EMP1: variants seen among roughly 807,000 people sequenced by gnomAD.
EMP1 encodes the protein epithelial membrane protein 1, also known as tumor-associated membrane protein.
EMP1 carries 5 observed loss-of-function variants against 15.7 expected under a neutral mutation model. That is an observed-to-expected ratio of 0.32 (90% CI 0.17 to 0.67). EMP1 has a LOEUF of 0.67. Ranked by LOEUF, EMP1 falls within the 30% of genes least tolerant of loss-of-function variation. The pLI is 0.74. For synonymous variants in EMP1, 78 were observed against 76.7 expected (o/e 1.02, Z -0.09); for missense variants, 166 against 194.2 (o/e 0.85, Z 0.86).
intron 1 of EMP1, among the ~76,000 whole-genome samples, chr12:13,208,415 A>G (rs1864133060): frequency 6.6e-6 from 1 of 152,196 alleles, no homozygotes; most frequent in South Asian, 2.1e-4. Context: ...CCCTGGGGGC[A>G]GGAGGTATCT....
chr12:13,201,722 A>G (rs955192936), intron 1 of EMP1, among the ~76,000 whole-genome samples: 4 of 152,144 alleles, frequency 2.6e-5, no homozygotes, highest in Non-Finnish European at 5.9e-5. Context: ...CGGCACTAGG[A>G]ATAAAAGAAA....
Position 13,219,246 on chromosome 12 carries a change from G to T in EMP1, c.*4555G>T, listed in dbSNP as rs1276557227. The stretch of plus-strand genomic sequence containing the variant: ...GAACACTAGCATAAGATGTCAATAT[G>T]TCTATCCATATGTCAGGTCCATACT... On this transcript the variant is annotated 3_prime_UTR_variant, in exon 5 of 5. Coordinates refer to ENST00000256951, the MANE Select transcript of EMP1 (RefSeq NM_001423.3). The T allele has an allele frequency of 1.3e-5, 2 of 152,212 alleles. No individual in the cohort carries two copies. Among genetic ancestry groups the T allele is most frequent in the African/African-American group, 4.8e-5 (2 of 41,442 alleles). The allele number at this position is 152,212 out of a possible 1,614,324, so 9.4% of individuals were successfully genotyped here. A position where few individuals can be genotyped will look rare whatever the true frequency, so the allele number is the denominator to read the frequency against.
intron 1 of EMP1, among the ~76,000 whole-genome samples, chr12:13,199,959 T>C (rs1565576767): frequency 7.0e-6 from 1 of 143,644 alleles, no homozygotes; most frequent in African/African-American, 2.6e-5. Flanking sequence ...CTTCTTCTTC[T>C]TCTTCTTTTT....
chr12:13,199,812 G>T (rs1864047531), intron 1 of EMP1, among the ~76,000 whole-genome samples: 1 of 152,024 alleles, frequency 6.6e-6, no homozygotes, highest in Non-Finnish European at 1.5e-5. Context: ...GATTCTGCTG[G>T]CCTGAAACAA....
Position 13,211,450 on chromosome 12 carries a change from C to T in EMP1, c.-42-19C>T. On this transcript the variant is annotated intron_variant, in intron 1 of 4. Coordinates refer to ENST00000256951, the MANE Select transcript of EMP1 (RefSeq NM_001423.3). This position sits in a 1 kb window ranked among gnomAD's most constrained non-coding sequence, Gnocchi z 4.7. Reference sequence around the variant, plus strand: ...GAATCTGACAGTAACCGTTTTTGTCCCTTTCTTTTTCTTTTCAGAACTCTC... The same window carrying T: ...GAATCTGACAGTAACCGTTTTTGTCTCTTTCTTTTTCTTTTCAGAACTCTC... The T allele has an allele frequency of 6.4e-7, 1 of 1,572,950 alleles. No homozygotes were observed. Among genetic ancestry groups the T allele is most frequent in the Non-Finnish European group, 8.7e-7 (1 of 1,148,766 alleles).
intron 2 of EMP1, among the ~76,000 whole-genome samples, chr12:13,212,965 CT>C: frequency 6.6e-6 from 1 of 152,296 alleles, no homozygotes; most frequent in South Asian, 2.1e-4. Flanking sequence ...AAGTTTGATC[CT>C]TCTGTTTAGA....
chr12:13,210,178 G>A (rs137952079), intron 1 of EMP1, among the ~76,000 whole-genome samples: 16 of 152,348 alleles, frequency 1.1e-4, no homozygotes, highest in African/African-American at 3.6e-4. Context: ...AATACCTGAT[G>A]TGGCATGAAA....
At chr12:13,212,837 G>C (rs1293667244) in intron 2 of EMP1, among the ~76,000 whole-genome samples, 2 of 152,196 alleles carry the variant, frequency 1.3e-5, no homozygotes, top group Non-Finnish European at 2.9e-5. Context: ...AGGGATGGCG[G>C]CACCATGATC....
At chr12:13,198,706 G>A (rs1309651445) in intron 1 of EMP1, among the ~76,000 whole-genome samples, 1 of 152,232 alleles carries the variant, frequency 6.6e-6, no homozygotes, top group Admixed American at 6.5e-5. Context: ...CCCTGACAAT[G>A]TTGGGAGTGT....
chr12:13,212,039 A>G lies in EMP1; in HGVS notation c.78+451A>G, dbSNP rs1350339158. The stretch of plus-strand genomic sequence containing the variant: ...CAGAGGATAAGGAGGACACACACCT[A>G]TGTGGCTGGAGCCGAACTTCCCCTC... On this transcript the variant is annotated intron_variant, in intron 2 of 4. Coordinates refer to ENST00000256951, the MANE Select transcript of EMP1 (RefSeq NM_001423.3). 1.9e-5 allele frequency: 3 copies of G among 156,986 alleles called. No individual in the cohort carries two copies. In the Admixed American group the frequency reaches 1.9e-4, roughly 10 times the overall value. The allele number at this position is 156,986 out of a possible 1,614,324, so 9.7% of individuals were successfully genotyped here.
At chr12:13,202,469 ACAGAGGTTTG>A (rs1864074481) in intron 1 of EMP1, among the ~76,000 whole-genome samples, 1 of 152,170 alleles carries the variant, frequency 6.6e-6, no homozygotes, top group Non-Finnish European at 1.5e-5. Flanking sequence ...GGGGAGTTGG[ACAGAGGTTTG>A]CAACCCTGAA....
Position 13,218,219 on chromosome 12 carries a change from C to T in EMP1, c.*3528C>T, listed in dbSNP as rs1051367215. Reference sequence around the variant, plus strand: ...CTGCCTTGGATTTAGCCATCGCAGTCCCTGTGTAAAACCCCACCGGCTTTC... The same window carrying T: ...CTGCCTTGGATTTAGCCATCGCAGTTCCTGTGTAAAACCCCACCGGCTTTC... On this transcript the variant is annotated 3_prime_UTR_variant, in exon 5 of 5. Transcript: ENST00000256951. 1.3e-5 allele frequency: 2 copies of T among 152,080 alleles called. No homozygotes were observed. Among genetic ancestry groups the T allele is most frequent in the Non-Finnish European group, 2.9e-5 (2 of 68,014 alleles). 9.4% of individuals were successfully genotyped at this position (152,080 alleles called of 1,614,324 possible).
chr12:13,216,472 C>T lies in EMP1; in HGVS notation c.*1781C>T. ...AACTTTGTCATTATGATTTCATTAT[C>T]ACATGATTATAGAAGGCTGTCTTAG... On this transcript the variant is annotated 3_prime_UTR_variant, in exon 5 of 5. Transcript: ENST00000256951. 1 of 702,490 alleles carries T rather than the reference C, an allele frequency of 1.4e-6. No individual in the cohort carries two copies. Among genetic ancestry groups the T allele is most frequent in the South Asian group, 1.5e-5 (1 of 67,522 alleles). 43.5% of individuals were successfully genotyped at this position (702,490 alleles called of 1,614,324 possible).
At chr12:13,201,812 C>T (rs894722380) in intron 1 of EMP1, among the ~76,000 whole-genome samples, 1 of 152,166 alleles carries the variant, frequency 6.6e-6, no homozygotes, top group African/African-American at 2.4e-5. Flanking sequence ...TTGACAACAG[C>T]AAAGCATTCA....
chr12:13,213,196 G>A (rs1431985979), intron 2 of EMP1, among the ~76,000 whole-genome samples: 2 of 152,210 alleles, frequency 1.3e-5, no homozygotes, highest in African/African-American at 2.4e-5. Flanking sequence ...CTGTGGTTGA[G>A]TTACTTCCAT....
In EMP1 at chr12:13,217,288, T is replaced by C. The variant is rs1864223413; in HGVS notation, c.*2597T>C. On this transcript the variant is annotated 3_prime_UTR_variant, in exon 5 of 5. Transcript: ENST00000256951. ...GTATCTTTCTGTGAGCAATAAGGACTGGATAAAGACTGCATATCCTTGTGT... is the reference window on the plus strand; with the variant it reads ...GTATCTTTCTGTGAGCAATAAGGACCGGATAAAGACTGCATATCCTTGTGT... 1 of 152,180 alleles carries C rather than the reference T, an allele frequency of 6.6e-6. No homozygotes were observed. Among genetic ancestry groups the C allele is most frequent in the South Asian group, 2.1e-4 (1 of 4,832 alleles). 9.4% of individuals were successfully genotyped at this position (152,180 alleles called of 1,614,324 possible).
chr12:13,197,518 G>A (rs897999685), intron 1 of EMP1, among the ~76,000 whole-genome samples: 14 of 152,160 alleles, frequency 9.2e-5, no homozygotes, highest in African/African-American at 1.4e-4. Flanking sequence ...GCTCATGCCT[G>A]TAATCCTAGC....
chr12:13,200,922 A>G (rs1278980964), intron 1 of EMP1, among the ~76,000 whole-genome samples: 1 of 152,164 alleles, frequency 6.6e-6, no homozygotes, highest in Admixed American at 6.5e-5. Flanking sequence ...GTTTCTTCAA[A>G]CCGGGTAGTT....
At chr12:13,210,430 C>A (rs1864154198) in intron 1 of EMP1, among the ~76,000 whole-genome samples, 1 of 152,208 alleles carries the variant, frequency 6.6e-6, no homozygotes, top group South Asian at 2.1e-4. Context: ...TCAGAATAGC[C>A]TCCCCCATGT....
Sources: gnomAD v4.1 joint callset for allele counts (sites outside exome capture counted in the v4.1 genomes callset) on GRCh38, gnomAD v4.1.1 for gene constraint, Gnocchi (gnomAD v3.1) non-coding constraint, MANE v1.5 for transcripts, NCBI Gene and HGNC (gene_info 2026-07-23, HGNC 2026-07-21) for gene names.